Variants in MDGA2 observed in about 807,000 individuals in gnomAD.
MDGA2 encodes the protein MAM domain containing glycosylphosphatidylinositol anchor 2.
A neutral mutation model predicts 117.8 loss-of-function variants in MDGA2; 40 were observed. That is an observed-to-expected ratio of 0.34 (90% CI 0.26 to 0.44). MDGA2 has a LOEUF of 0.44. MDGA2 is among the 20% of genes least tolerant of loss of function. MDGA2 has a pLI of 1.00. For synonymous variants in MDGA2, 452 were observed against 439.0 expected (o/e 1.03, Z -0.37); for missense variants, 1,123 against 1,250.6 (o/e 0.90, Z 1.54).
rs1555336908 is a variant in MDGA2, at chr14:47,619,116, T to TACACAC, written c.280+55395_280+55400dup. On this transcript the variant is annotated intron_variant, in intron 1 of 16. Transcript: ENST00000399232. The stretch of plus-strand genomic sequence containing the variant: ...TAGCATCTCTGAGCCTCAGTTTAAT[T>TACACAC]ACACACACACACACACACACACACA... Among the ~76,000 whole-genome samples the TACACAC allele has an allele frequency of 6.1e-3, 550 of 90,786 alleles. 9 individuals are homozygous for TACACAC. In the East Asian group the frequency reaches 0.064, roughly 11 times the overall value. 59.6% of individuals were successfully genotyped at this position (90,786 alleles called of 152,430 possible).
rs575305802 is a variant in MDGA2, at chr14:47,172,459, G to A, written c.596-28185C>T. Among the ~76,000 whole-genome samples, 9 of 151,968 alleles carry A rather than the reference G, an allele frequency of 5.9e-5. No homozygotes were observed. In the South Asian group the frequency reaches 6.2e-4, roughly 11 times the overall value. On this transcript the variant is annotated intron_variant, in intron 3 of 16. Transcript: ENST00000399232. Reference sequence around the variant, plus strand: ...ACTCCTCTGAGACAAAACTTCCAGCGGAACGATCAGAGAGCAGCATTCGCG... The same window carrying A: ...ACTCCTCTGAGACAAAACTTCCAGCAGAACGATCAGAGAGCAGCATTCGCG...
chr14:47,649,492 G>A lies in MDGA2; in HGVS notation c.280+25025C>T, dbSNP rs374809546. On this transcript the variant is annotated intron_variant, in intron 1 of 16. Transcript: ENST00000399232. ...TTATACAGCATAGCCTGGGAGACCA[G>A]CCTGGCCAACAGTGAAACCCCGTCT... Among the ~76,000 whole-genome samples, 6 of 152,140 alleles carry A rather than the reference G, an allele frequency of 3.9e-5. No homozygotes were observed. In the East Asian group the frequency reaches 9.7e-4, roughly 25 times the overall value.
chr14:47,075,871 T>C (rs551366976), intron 6 of MDGA2, among the ~76,000 whole-genome samples: 1 of 152,288 alleles, frequency 6.6e-6, no homozygotes, highest in East Asian at 1.9e-4. Flanking sequence ...ATCTGTACCC[T>C]CCAGTGATAA....
chr14:47,364,553 C>T (rs1393182991), intron 1 of MDGA2, among the ~76,000 whole-genome samples: 2 of 152,186 alleles, frequency 1.3e-5, no homozygotes, highest in Admixed American at 6.5e-5. Flanking sequence ...CGTGAGCCAC[C>T]GCGCCGGCCC....
chr14:47,518,198 T>C (rs1659738772), intron 1 of MDGA2, among the ~76,000 whole-genome samples: 1 of 152,176 alleles, frequency 6.6e-6, no homozygotes, highest in Admixed American at 6.5e-5. Flanking sequence ...AGCAGAATAC[T>C]GTAACCAGAA....
intron 13 of MDGA2, 131 bp downstream of exon 13, chr14:46,873,914 G>A (rs957287327): frequency 7.6e-6 from 6 of 789,930 alleles, no homozygotes; most frequent in East Asian, 3.3e-5. Context: ...TATCTAAATT[G>A]ATACTGTACA....
At chr14:47,285,299 T>C (rs2139752241) in intron 2 of MDGA2, among the ~76,000 whole-genome samples, 1 of 152,246 alleles carries the variant, frequency 6.6e-6, no homozygotes, top group African/African-American at 2.4e-5. Context: ...GCATACACTT[T>C]TTGTAACTCT....
intron 2 of MDGA2, among the ~76,000 whole-genome samples, chr14:47,222,608 T>C (rs1777209896): frequency 6.6e-6 from 1 of 151,992 alleles, no homozygotes; most frequent in Non-Finnish European, 1.5e-5. Context: ...ATAAGACTAA[T>C]AAATATACAG....
chr14:47,093,326 AC>A (rs1479145421), intron 6 of MDGA2, among the ~76,000 whole-genome samples: 1 of 152,164 alleles, frequency 6.6e-6, no homozygotes, highest in East Asian at 1.9e-4. Flanking sequence ...ACACTAAAAT[AC>A]AGTAATGTCT....
chr14:47,093,514 A>G (rs8020808), intron 6 of MDGA2, among the ~76,000 whole-genome samples: 26,725 of 152,026 alleles, frequency 0.18, 2,635 homozygotes, highest in East Asian at 0.31. Flanking sequence ...CTAGGAAATC[A>G]ATGTAACATT....
chr14:47,488,360 T>C (rs1337706897), intron 1 of MDGA2, among the ~76,000 whole-genome samples: 1 of 152,148 alleles, frequency 6.6e-6, no homozygotes, highest in Non-Finnish European at 1.5e-5. Flanking sequence ...TCTGTGCATT[T>C]TGTTCATGCA....
intron 8 of MDGA2, among the ~76,000 whole-genome samples, chr14:47,016,159 C>G (rs766608895): frequency 1.3e-5 from 2 of 152,002 alleles, no homozygotes; most frequent in Non-Finnish European, 2.9e-5. Context: ...TGGATTCCAT[C>G]TCTTTTAGTT....
At chr14:47,472,250 A>G (rs553363982) in intron 1 of MDGA2, among the ~76,000 whole-genome samples, 1 of 152,164 alleles carries the variant, frequency 6.6e-6, no homozygotes, top group South Asian at 2.1e-4. Flanking sequence ...AATGACAGGG[A>G]CACATTCTGA....
At chr14:47,424,965 G>C (rs886572004) in intron 1 of MDGA2, among the ~76,000 whole-genome samples, 5 of 152,156 alleles carry the variant, frequency 3.3e-5, no homozygotes, top group Admixed American at 1.3e-4. Flanking sequence ...AGTGTGGAGA[G>C]AAAGGTGGGG....
chr14:46,950,073 T>C (rs145208902), intron 9 of MDGA2, among the ~76,000 whole-genome samples: 23 of 152,088 alleles, frequency 1.5e-4, no homozygotes, highest in Admixed American at 4.6e-4. Flanking sequence ...TGATATGAAA[T>C]ATAAATTCCT....
At chr14:47,122,632 G>A (rs755246451) in intron 5 of MDGA2, among the ~76,000 whole-genome samples, 2 of 152,066 alleles carry the variant, frequency 1.3e-5, no homozygotes, top group Non-Finnish European at 2.9e-5. Flanking sequence ...CAAATTGTCA[G>A]TAAATGATCA....
chr14:47,057,553 T>G (rs977096659), intron 7 of MDGA2, among the ~76,000 whole-genome samples: 1 of 152,042 alleles, frequency 6.6e-6, no homozygotes, highest in African/African-American at 2.4e-5. Flanking sequence ...ATATCATAGT[T>G]TTTATCAATC....
chr14:47,165,413 GA>G (rs1342420505), intron 3 of MDGA2, among the ~76,000 whole-genome samples: 1 of 151,770 alleles, frequency 6.6e-6, no homozygotes, highest in Non-Finnish European at 1.5e-5. Flanking sequence ...GGAAAGAGTG[GA>G]AGTGGTATTA....
intron 1 of MDGA2, among the ~76,000 whole-genome samples, chr14:47,399,933 T>C (rs942868332): frequency 1.2e-4 from 18 of 152,054 alleles, no homozygotes; most frequent in African/African-American, 4.3e-4. Flanking sequence ...GCACTGAGAA[T>C]ATATAATTAA....
Sources: allele counts gnomAD v4.1 joint callset (sites outside exome capture counted in the v4.1 genomes callset), GRCh38; gene constraint gnomAD v4.1.1; transcripts MANE v1.5; gene names NCBI Gene and HGNC (gene_info 2026-07-23, HGNC 2026-07-21).